XYLT1: variants seen among roughly 807,000 people sequenced by gnomAD.
XYLT1 encodes the protein xylosyltransferase 1, also known as beta-D-xylosyltransferase 1.
Under a neutral mutation model 91.3 loss-of-function variants are expected in XYLT1, and 36 were observed. The observed-to-expected ratio is 0.39, with a 90% CI of 0.30 to 0.52. The LOEUF (loss-of-function observed/expected upper bound fraction) is 0.52, where lower values mean the gene tolerates loss of function less well. Ranked by LOEUF, XYLT1 falls within the 20% of genes least tolerant of loss-of-function variation. The probability of loss-of-function intolerance (pLI) is 0.68; values close to 1 mark genes in which losing one functional copy is unlikely to be tolerated. For synonymous variants in XYLT1, 588 were observed against 532.0 expected (o/e 1.11, Z -1.45); for missense variants, 1,242 against 1,284.5 (o/e 0.97, Z 0.51).
At chr16:17,349,451 A>G (rs1439707061) in intron 2 of XYLT1, among the ~76,000 whole-genome samples, 2 of 152,028 alleles carry the variant, frequency 1.3e-5, no homozygotes, top group Admixed American at 1.3e-4. Context: ...TCTAGTTTAG[A>G]TTCTATCACC....
intron 6 of XYLT1, among the ~76,000 whole-genome samples, chr16:17,152,672 G>GA (rs1326961528): frequency 6.6e-6 from 1 of 152,190 alleles, no homozygotes; most frequent in Non-Finnish European, 1.5e-5. Flanking sequence ...TTCAATGTCA[G>GA]AAAAGGGGAG....
At chr16:17,226,097 C>T (rs1218358897) in intron 3 of XYLT1, among the ~76,000 whole-genome samples, 1 of 152,156 alleles carries the variant, frequency 6.6e-6, no homozygotes, top group African/African-American at 2.4e-5. Context: ...AACTATTATC[C>T]TTGGAGGCTG....
intron 4 of XYLT1, among the ~76,000 whole-genome samples, chr16:17,198,671 G>A (rs535511381): frequency 2.4e-4 from 36 of 152,278 alleles, no homozygotes; most frequent in African/African-American, 8.2e-4. Flanking sequence ...GGTTCACTAG[G>A]CTTGGGCTGG....
chr16:17,162,145 T>A (rs1002448639), intron 5 of XYLT1, among the ~76,000 whole-genome samples: 1 of 152,156 alleles, frequency 6.6e-6, no homozygotes, highest in Admixed American at 6.5e-5. Flanking sequence ...TGGTAGCTCA[T>A]GCCTGTAATT....
chr16:17,358,818 A>G (rs1245586666), intron 1 of XYLT1, among the ~76,000 whole-genome samples: 1 of 152,224 alleles, frequency 6.6e-6, no homozygotes, highest in Non-Finnish European at 1.5e-5. Context: ...GATCTTGGAA[A>G]GAACAAGGGA....
intron 2 of XYLT1, among the ~76,000 whole-genome samples, chr16:17,357,049 C>T (rs543266462): frequency 7.3e-5 from 11 of 151,552 alleles, no homozygotes; most frequent in Admixed American, 1.3e-4. Flanking sequence ...TGGCAGCGTG[C>T]GCCTGTAGTC....
chr16:17,465,226 GA>G (rs2036877285), intron 1 of XYLT1, among the ~76,000 whole-genome samples: 1 of 148,610 alleles, frequency 6.7e-6, no homozygotes, highest in Admixed American at 6.7e-5. Context: ...CATGCAAAAG[GA>G]ACGCAACTCG....
At chr16:17,331,017 G>C (rs1303883842) in intron 2 of XYLT1, among the ~76,000 whole-genome samples, 1 of 152,210 alleles carries the variant, frequency 6.6e-6, no homozygotes, top group Non-Finnish European at 1.5e-5. Context: ...CTGCACAAAG[G>C]GAGGGCTTAT....
At chr16:17,441,189 C>A (rs1270838556) in intron 1 of XYLT1, among the ~76,000 whole-genome samples, 1 of 151,894 alleles carries the variant, frequency 6.6e-6, no homozygotes, top group African/African-American at 2.4e-5. Context: ...ATTCTCCTGC[C>A]TCAGCCTCTC....
chr16:17,188,276 A>G (rs1017593281), intron 5 of XYLT1, among the ~76,000 whole-genome samples: 1 of 152,074 alleles, frequency 6.6e-6, no homozygotes, highest in Non-Finnish European at 1.5e-5. Context: ...ACGATCTCTC[A>G]ATGTGGCAAA....
intron 3 of XYLT1, among the ~76,000 whole-genome samples, chr16:17,253,592 C>A (rs958384342): frequency 6.6e-6 from 1 of 152,222 alleles, no homozygotes; most frequent in South Asian, 2.1e-4. Context: ...GTGTACTAGG[C>A]CCTTGGAAAC....
At chr16:17,184,392 T>C (rs2032138019) in intron 5 of XYLT1, among the ~76,000 whole-genome samples, 1 of 152,010 alleles carries the variant, frequency 6.6e-6, no homozygotes, top group African/African-American at 2.4e-5. Context: ...GGTGAGAATA[T>C]CAAATTGGCA....
intron 2 of XYLT1, among the ~76,000 whole-genome samples, chr16:17,282,105 T>C (rs1357691578): frequency 1.3e-5 from 2 of 152,336 alleles, no homozygotes; most frequent in East Asian, 3.9e-4. Context: ...AGTGCAGCAC[T>C]GACTGTATGC....
intron 11 of XYLT1, among the ~76,000 whole-genome samples, chr16:17,115,018 G>T (rs1270351672): frequency 6.6e-6 from 1 of 151,966 alleles, no homozygotes; most frequent in African/African-American, 2.4e-5. Context: ...CTAATTTTTT[G>T]TATTTTTAGT....
chr16:17,163,545 C>T (rs1424131449), intron 5 of XYLT1, among the ~76,000 whole-genome samples: 4 of 152,194 alleles, frequency 2.6e-5, no homozygotes, highest in Non-Finnish European at 5.9e-5. Flanking sequence ...AACCCCTTCC[C>T]GACTGCAGGA....
At chr16:17,350,500 C>T (rs2035206020) in intron 2 of XYLT1, among the ~76,000 whole-genome samples, 1 of 152,218 alleles carries the variant, frequency 6.6e-6, no homozygotes. Flanking sequence ...GGCTGGTCAC[C>T]TCCCTGCCCC....
At chr16:17,167,172 G>A (rs1406415006) in intron 5 of XYLT1, among the ~76,000 whole-genome samples, 4 of 152,192 alleles carry the variant, frequency 2.6e-5, no homozygotes, top group African/African-American at 9.7e-5. Flanking sequence ...TTTCAATCCC[G>A]CTTTCCCCGT....
chr16:17,253,282 A>G (rs1164955497), intron 3 of XYLT1, among the ~76,000 whole-genome samples: 1 of 152,200 alleles, frequency 6.6e-6, no homozygotes, highest in Non-Finnish European at 1.5e-5. Context: ...TCTGTGGTGT[A>G]GCAAATTAAA....
rs955383856 is a variant in XYLT1 at position 17,102,407 on chromosome 16, G to A, written c.*6288C>T. The A allele has an allele frequency of 6.6e-6, 1 of 152,570 alleles. No homozygotes were observed. The highest frequency in any genetic ancestry group is 1.5e-5 in the Non-Finnish European group (1 of 68,032). The allele number at this position is 152,570 out of a possible 1,614,324, so 9.5% of individuals were successfully genotyped here. A position where few individuals can be genotyped will look rare whatever the true frequency, so the allele number is the denominator to read the frequency against. On this transcript the variant is annotated 3_prime_UTR_variant, in exon 12 of 12. Transcript: ENST00000261381. Reference sequence around the variant, plus strand: ...CAGAAAGCATCTATATACACCTGCAGTGTTTTTGGTATGATACAGTATTTA... The same window carrying A: ...CAGAAAGCATCTATATACACCTGCAATGTTTTTGGTATGATACAGTATTTA...
Sources: allele counts gnomAD v4.1 joint callset (sites outside exome capture counted in the v4.1 genomes callset), GRCh38; gene constraint gnomAD v4.1.1; transcripts MANE v1.5; gene names NCBI Gene and HGNC (gene_info 2026-07-23, HGNC 2026-07-21).